The following CACNB2 variants were observed in gnomAD, a reference collection of about 807,000 sequenced individuals.
The protein encoded by CACNB2 is voltage-dependent L-type calcium channel subunit beta-2.
A neutral mutation model predicts 73.3 loss-of-function variants in CACNB2; 42 were observed. The ratio of observed to expected loss-of-function variants is 0.57; its 90% CI spans 0.45 to 0.74. CACNB2 has a LOEUF of 0.74. Among genes scored for constraint, CACNB2 ranks in the 30% least tolerant of loss-of-function variants. The probability of loss-of-function intolerance (pLI) is 0.00; values close to 1 mark genes in which losing one functional copy is unlikely to be tolerated. For missense variants in CACNB2, 940 were observed against 853.0 expected (o/e 1.10, Z -1.27); for synonymous variants, 348 against 310.3 (o/e 1.12, Z -1.28).
At chr10:18,487,974 G>A (rs989040088) in intron 3 of CACNB2, among the ~76,000 whole-genome samples, 10 of 151,574 alleles carry the variant, frequency 6.6e-5, no homozygotes, top group Middle Eastern at 3.2e-3. Context: ...AAAAAGTCAT[G>A]CAAATTGTAC....
At chr10:18,245,442 T>A (rs1318296957) in intron 2 of CACNB2, among the ~76,000 whole-genome samples, 1 of 152,064 alleles carries the variant, frequency 6.6e-6, no homozygotes, top group Non-Finnish European at 1.5e-5. Flanking sequence ...TACCTCAGGC[T>A]CTTGAGTGGC....
intron 1 of CACNB2, 28 bp from the exon 2 acceptor site, chr10:18,150,855 C>CTTTTTTTGT: frequency 4.1e-6 from 2 of 483,390 alleles, no homozygotes; most frequent in East Asian, 5.6e-5. Flanking sequence ...TCTTATTTGT[C>CTTTTTTTGT]TTTTTTTTTT....
At chr10:18,225,375 C>T (rs77999982) in intron 2 of CACNB2, among the ~76,000 whole-genome samples, 11,275 of 152,094 alleles carry the variant, frequency 0.074, 633 homozygotes, top group African/African-American at 0.15. Context: ...TTACAACAGC[C>T]TTTCATGATA....
chr10:18,385,941 T>C (rs1274804925), intron 2 of CACNB2, among the ~76,000 whole-genome samples: 1 of 152,124 alleles, frequency 6.6e-6, no homozygotes, highest in Non-Finnish European at 1.5e-5. Flanking sequence ...AATATTCTTA[T>C]ATATATATCC....
intron 2 of CACNB2, among the ~76,000 whole-genome samples, chr10:18,353,239 A>T (rs985199433): frequency 3.9e-5 from 6 of 152,110 alleles, no homozygotes; most frequent in Non-Finnish European, 8.8e-5. Flanking sequence ...GTGAAACCCC[A>T]TATCTACTAA....
intron 3 of CACNB2, among the ~76,000 whole-genome samples, chr10:18,434,141 T>C (rs1394994793): frequency 1.3e-5 from 2 of 152,228 alleles, no homozygotes; most frequent in Non-Finnish European, 2.9e-5. Context: ...TTTGAAGATA[T>C]GATCTTCTAA....
At chr10:18,183,258 G>A (rs1013877972) in intron 2 of CACNB2, among the ~76,000 whole-genome samples, 7 of 152,154 alleles carry the variant, frequency 4.6e-5, no homozygotes, top group African/African-American at 1.7e-4. Context: ...TATAGCTGAA[G>A]CAGACAGCTA....
At chr10:18,354,828 A>G (rs181664079) in intron 2 of CACNB2, among the ~76,000 whole-genome samples, 1 of 152,312 alleles carries the variant, frequency 6.6e-6, no homozygotes, top group Non-Finnish European at 1.5e-5. Context: ...AAGCACAACC[A>G]TAAAACCATG....
chr10:18,510,779 G>C (rs1009257940), intron 6 of CACNB2, among the ~76,000 whole-genome samples: 6 of 152,132 alleles, frequency 3.9e-5, no homozygotes, highest in African/African-American at 1.2e-4. Context: ...CCTTGAATGT[G>C]GTCTTTATGA....
chr10:18,270,073 A>G (rs1241531584), intron 2 of CACNB2, among the ~76,000 whole-genome samples: 1 of 152,208 alleles, frequency 6.6e-6, no homozygotes, highest in Non-Finnish European at 1.5e-5. Flanking sequence ...TATAAAGGAA[A>G]GATGTTTAAT....
rs1033004535 is a variant in CACNB2, at chr10:18,144,984, G to A, written c.120+4128G>A. On this transcript the variant is annotated intron_variant, in intron 1 of 13. Transcript: ENST00000324631. The stretch of plus-strand genomic sequence containing the variant: ...CAGGGATTGATAGGTAACAGAAGAG[G>A]AAACGGAGGAGTAACAAGAACAGTA... Among the ~76,000 whole-genome samples, 19 of 152,172 alleles carry A rather than the reference G, an allele frequency of 1.2e-4. 1 individual carries two copies. Among genetic ancestry groups the A allele is most frequent in the Non-Finnish European group, 1.9e-4 (13 of 68,034 alleles).
intron 2 of CACNB2, among the ~76,000 whole-genome samples, chr10:18,356,942 CTTTTT>C (rs71402158): frequency 4.0e-5 from 4 of 101,104 alleles, no homozygotes; most frequent in Admixed American, 1.1e-4. Flanking sequence ...GACTCAATTT[CTTTTT>C]TTTTTTTTTT....
intron 2 of CACNB2, among the ~76,000 whole-genome samples, chr10:18,235,000 AG>A (rs2036378668): frequency 6.6e-6 from 1 of 151,872 alleles, no homozygotes. Context: ...AAAATTAGCC[AG>A]GTGTGGTGGC....
chr10:18,290,092 T>C (rs2038996252), intron 2 of CACNB2, among the ~76,000 whole-genome samples: 1 of 148,544 alleles, frequency 6.7e-6, no homozygotes, highest in East Asian at 2.0e-4. Flanking sequence ...CTCTTTAAAG[T>C]TTTTTTCTTT....
At chr10:18,277,775 T>C (rs2131679887) in intron 2 of CACNB2, among the ~76,000 whole-genome samples, 1 of 152,354 alleles carries the variant, frequency 6.6e-6, no homozygotes, top group African/African-American at 2.4e-5. Flanking sequence ...TCAAATAATC[T>C]TTTCCCTCAA....
chr10:18,430,631 A>G (rs776858875), intron 3 of CACNB2, among the ~76,000 whole-genome samples: 25 of 152,304 alleles, frequency 1.6e-4, no homozygotes, highest in African/African-American at 5.1e-4. Context: ...CCTTGTCTCA[A>G]TCGATCAGTC....
chr10:18,459,952 C>T (rs1286398692), intron 3 of CACNB2, among the ~76,000 whole-genome samples: 3 of 152,070 alleles, frequency 2.0e-5, no homozygotes, highest in African/African-American at 4.8e-5. Flanking sequence ...GAGCCGAGAT[C>T]GCACCACTGC....
intron 2 of CACNB2, among the ~76,000 whole-genome samples, chr10:18,217,843 A>G (rs2035575852): frequency 6.6e-6 from 1 of 151,980 alleles, no homozygotes; most frequent in Non-Finnish European, 1.5e-5. Context: ...CATGCACTAA[A>G]ATATGTCTTG....
At position 18,430,870 on chromosome 10, in the gene CACNB2, T is replaced by C. The variant is rs186138629; in HGVS notation, c.333+28827T>C. On this transcript the variant is annotated intron_variant, in intron 3 of 13. Transcript: ENST00000324631. ...AAACCATTTTTGTATTTGCAGTTAG[T>C]GTCAACTGAAGGGATTAAGAAGATA... is the stretch of plus-strand genomic sequence containing the variant. 4.0e-3 allele frequency among the ~76,000 whole-genome samples: 611 copies of C among 152,360 alleles called. 8 individuals carry two copies. Among genetic ancestry groups the C allele is most frequent in the African/African-American group, 0.014 (584 of 41,590 alleles).
Sources: allele counts gnomAD v4.1 joint callset (sites outside exome capture counted in the v4.1 genomes callset), GRCh38; gene constraint gnomAD v4.1.1; transcripts MANE v1.5; gene names NCBI Gene and HGNC (gene_info 2026-07-23, HGNC 2026-07-21).